SOX5: variants seen among roughly 807,000 people sequenced by gnomAD.
SOX5 encodes SRY-box transcription factor 5, also known as transcription factor SOX-5.
In SOX5, 9 loss-of-function variants were observed where a neutral mutation model predicts 92.0. The ratio of observed to expected loss-of-function variants is 0.10; its 90% CI spans 0.06 to 0.17. The LOEUF is 0.17. Among genes scored for constraint, SOX5 ranks in the 10% least tolerant of loss-of-function variants. The pLI, the probability that SOX5 is intolerant of heterozygous loss-of-function variation, is 1.00. For missense variants in SOX5, 642 were observed against 944.5 expected, an observed-to-expected ratio of 0.68 and a Z score of 4.20; for synonymous variants, 344 against 336.3, an observed-to-expected ratio of 1.02 and a Z score of -0.25.
At chr12:24,028,597 C>A (rs560725016) in intron 4 of SOX5, among the ~76,000 whole-genome samples, 31 of 151,902 alleles carry the variant, frequency 2.0e-4, no homozygotes, top group Admixed American at 9.2e-4. Flanking sequence ...TATAAGAATC[C>A]CTGGATTAGT....
chr12:24,114,573 CAAAAAAAAAAAAAAAAAAAA>C (rs55913110), intron 4 of SOX5, among the ~76,000 whole-genome samples: 2 of 40,594 alleles, frequency 4.9e-5, no homozygotes, highest in African/African-American at 1.9e-4. Context: ...CACCCCGTCA[CAAAAAAAAAAAAAAAAAAAA>C]AAAAAAAAAA....
Position 24,179,951 on chromosome 12 carries a change from AAAAAG to A in SOX5, c.-2+33387_-2+33391del, listed in dbSNP as rs201082223. Among the ~76,000 whole-genome samples the A allele has an allele frequency of 3.8e-3, 583 of 151,834 alleles. 10 individuals carry two copies. Among genetic ancestry groups the A allele is most frequent in the Admixed American group, 0.031 (469 of 15,220 alleles). On this transcript the variant is annotated intron_variant, in intron 4 of 4. Transcript: ENST00000446891. ...ATAATCTTTTTTTTTATTAAAAAAA[AAAAAG>A]AAAAGAAAAGTTATGGGACCTCACT...
chr12:23,947,328 T>C (rs1944747617), intron 1 of SOX5, among the ~76,000 whole-genome samples: 1 of 151,912 alleles, frequency 6.6e-6, no homozygotes, highest in South Asian at 2.1e-4. Flanking sequence ...ATTTATTCAA[T>C]GAAAGTTGCA....
chr12:24,240,926 T>A (rs958694120), intron 3 of SOX5, among the ~76,000 whole-genome samples: 7 of 152,224 alleles, frequency 4.6e-5, no homozygotes, highest in African/African-American at 1.7e-4. Context: ...AAATAATGTG[T>A]AACTCAAATA....
intron 4 of SOX5, among the ~76,000 whole-genome samples, chr12:24,017,511 A>C (rs920968453): frequency 2.6e-5 from 4 of 152,104 alleles, no homozygotes; most frequent in African/African-American, 9.7e-5. Flanking sequence ...GAGGCAGGAG[A>C]ATCACTTTAA....
chr12:23,691,283 T>C (rs183819847), intron 6 of SOX5, among the ~76,000 whole-genome samples: 12 of 152,362 alleles, frequency 7.9e-5, no homozygotes, highest in Non-Finnish European at 5.9e-5. Context: ...TATTATTTTC[T>C]GTCTTCTTTA....
intron 2 of SOX5, among the ~76,000 whole-genome samples, chr12:24,353,962 T>C (rs1954460945): frequency 6.6e-6 from 1 of 152,160 alleles, no homozygotes. Flanking sequence ...CAACAAACAC[T>C]TGAAGAACCT....
Position 23,533,527 on chromosome 12 carries a change from G to A in SOX5, c.*692C>T, listed in dbSNP as rs1308313951. ...CACTTGCTCAAAGATGTAGTGTGGT[G>A]TGCAATAGATAAAGTCCTCTAAAGA... is the stretch of plus-strand genomic sequence containing the variant. On this transcript the variant is annotated 3_prime_UTR_variant, in exon 15 of 15. Transcript: ENST00000451604. 1.8e-5 allele frequency: 3 copies of A among 168,530 alleles called. No homozygotes were observed. The highest frequency in any genetic ancestry group is 6.0e-5 in the Admixed American group (1 of 16,650). The allele number at this position is 168,530 out of a possible 1,614,324, so 10.4% of individuals were successfully genotyped here.
chr12:23,607,199 G>T (rs1480434640), intron 8 of SOX5, among the ~76,000 whole-genome samples: 3 of 152,158 alleles, frequency 2.0e-5, no homozygotes, highest in Admixed American at 2.0e-4. Flanking sequence ...GTTCACCAAG[G>T]TATTGAAGTA....
chr12:24,228,955 T>C (rs1009374169), intron 3 of SOX5, among the ~76,000 whole-genome samples: 1 of 152,184 alleles, frequency 6.6e-6, no homozygotes, highest in Non-Finnish European at 1.5e-5. Context: ...CGAGCCCATA[T>C]AATTAGTTTA....
rs574044083 is a variant in SOX5 at position 24,244,965 on chromosome 12, G to A, written c.-76-31548C>T. Among the ~76,000 whole-genome samples, 16 of 152,232 alleles carry A rather than the reference G, an allele frequency of 1.1e-4. No individual in the cohort carries two copies. The East Asian group carries it at 2.3e-3, about 22-fold the overall frequency. On this transcript the variant is annotated intron_variant, in intron 3 of 4. Coordinates refer to the SOX5 transcript ENST00000446891. ...CTCCCAAAGTGCTGGGATTACAGGC[G>A]TGAGTCACTGCACCTGGCCAGTACT...
In SOX5 at chr12:24,420,303, T is replaced by A. The variant is rs1965717674; in HGVS notation, c.-250-51664A>T. Among the ~76,000 whole-genome samples, 7 of 152,310 alleles carry A rather than the reference T, an allele frequency of 4.6e-5. No individual in the cohort carries two copies. The South Asian group carries it at 1.4e-3, about 32-fold the overall frequency. On this transcript the variant is annotated intron_variant, in intron 1 of 4. Transcript: ENST00000446891. ...TCTTGGAGAAATAGATGGAACAGGC[T>A]ATGTACAGATGAGCTTAGAACATCT...
At chr12:23,655,536 C>T (rs2082197216) in intron 7 of SOX5, among the ~76,000 whole-genome samples, 1 of 152,112 alleles carries the variant, frequency 6.6e-6, no homozygotes, top group East Asian at 1.9e-4. Context: ...TGCAATTCCT[C>T]TTTTATTTCC....
At chr12:24,357,840 C>CAAAAAAAAAA (rs566913275) in intron 2 of SOX5, among the ~76,000 whole-genome samples, 1 of 105,302 alleles carries the variant, frequency 9.5e-6, no homozygotes, top group Non-Finnish European at 1.9e-5. Context: ...GACTCCATCT[C>CAAAAAAAAAA]AAAAAAAAAA....
At chr12:24,430,537 A>G (rs1260416593) in intron 1 of SOX5, among the ~76,000 whole-genome samples, 1 of 152,100 alleles carries the variant, frequency 6.6e-6, no homozygotes, top group Non-Finnish European at 1.5e-5. Context: ...AACAGTGAAA[A>G]GAAACCACAC....
At chr12:23,537,157 G>C (rs909980438) in intron 13 of SOX5, among the ~76,000 whole-genome samples, 1 of 151,656 alleles carries the variant, frequency 6.6e-6, no homozygotes, top group Non-Finnish European at 1.5e-5. Flanking sequence ...TTACAGGAAT[G>C]GTAGTAATTA....
intron 5 of SOX5, among the ~76,000 whole-genome samples, chr12:23,740,018 T>C (rs188184321): frequency 6.6e-6 from 1 of 152,302 alleles, no homozygotes; most frequent in East Asian, 1.9e-4. Context: ...GCCCGGCACA[T>C]AAGAAGCACT....
chr12:23,615,091 C>T (rs535089824), intron 8 of SOX5, among the ~76,000 whole-genome samples: 12 of 152,122 alleles, frequency 7.9e-5, no homozygotes, highest in Admixed American at 4.6e-4. Context: ...CGTGAGCCAC[C>T]GTACCCGGCC....
At chr12:24,188,143 T>G (rs1010176729) in intron 4 of SOX5, among the ~76,000 whole-genome samples, 1 of 152,166 alleles carries the variant, frequency 6.6e-6, no homozygotes, top group Non-Finnish European at 1.5e-5. Flanking sequence ...TCTGAATGCT[T>G]CTCTTTTCAA....
Sources: allele counts gnomAD v4.1 joint callset (sites outside exome capture counted in the v4.1 genomes callset), GRCh38; gene constraint gnomAD v4.1.1; transcripts MANE v1.5; gene names NCBI Gene and HGNC (gene_info 2026-07-23, HGNC 2026-07-21).